MPDZ: variants seen among roughly 807,000 people sequenced by gnomAD.
MPDZ encodes multiple PDZ domain crumbs cell polarity complex component.
Under a neutral mutation model 239.1 loss-of-function variants are expected in MPDZ, and 234 were observed. That is an observed-to-expected ratio of 0.98 (90% CI 0.88 to 1.09). The LOEUF is 1.09. Ranked by LOEUF, MPDZ falls within the 50% of genes least tolerant of loss-of-function variation. The pLI is 0.00. For synonymous variants in MPDZ, 1,048 were observed against 881.3 expected, an observed-to-expected ratio of 1.19 and a Z score of -3.35; for missense variants, 3,175 against 2,510.0, an observed-to-expected ratio of 1.26 and a Z score of -5.66.
chr9:13,113,135 G>A (rs368217290), intron 41 of MPDZ, 81 bp from the exon 42 acceptor site: 22 of 1,264,076 alleles, frequency 1.7e-5, no homozygotes, highest in African/African-American at 1.2e-4. Context: ...AAAGCTGGAT[G>A]GGACTAAATG....
rs1284197854 is a variant in MPDZ at position 13,108,995 on chromosome 9, C to CA, written c.6006dup (p.Gly2003TrpfsTer15). The stretch of plus-strand genomic sequence containing the variant: ...TCTCCATGAGGGCTGCCATATCCTC[C>CA]AACTATACTGAAGCCTAAGCCATCT... On this transcript the variant is annotated frameshift_variant, in exon 46 of 47. Transcript: ENST00000319217. LOFTEE classifies it high-confidence loss of function. 1 of 1,604,152 alleles carries CA rather than the reference C, an allele frequency of 6.2e-7. No individual in the cohort carries two copies. Among genetic ancestry groups the CA allele is most frequent in the African/African-American group, 1.3e-5 (1 of 74,590 alleles).
intron 26 of MPDZ, among the ~76,000 whole-genome samples, chr9:13,146,220 T>C (rs1948415031): frequency 6.6e-6 from 1 of 152,182 alleles, no homozygotes; most frequent in Non-Finnish European, 1.5e-5. Context: ...ATTCACTCTT[T>C]ACAGTAAACC....
chr9:13,234,262 T>A (rs1235819492), intron 3 of MPDZ, among the ~76,000 whole-genome samples: 1 of 152,098 alleles, frequency 6.6e-6, no homozygotes, highest in Non-Finnish European at 1.5e-5. Flanking sequence ...CCCAATAGAA[T>A]ATTTTCAAAT....
chr9:13,233,143 G>A (rs1490770145), intron 3 of MPDZ, among the ~76,000 whole-genome samples: 1 of 152,060 alleles, frequency 6.6e-6, no homozygotes, highest in Admixed American at 6.6e-5. Context: ...CAGTTTGGCA[G>A]AATCCACGAA....
intron 34 of MPDZ, among the ~76,000 whole-genome samples, chr9:13,126,054 A>T (rs992764000): frequency 5.3e-5 from 8 of 152,188 alleles, no homozygotes; most frequent in African/African-American, 1.7e-4. Flanking sequence ...GCCTCAAATG[A>T]GATACCAAAT....
At chr9:13,144,828 A>C (rs1255776536) in intron 26 of MPDZ, among the ~76,000 whole-genome samples, 2 of 152,104 alleles carry the variant, frequency 1.3e-5, no homozygotes, top group Non-Finnish European at 2.9e-5. Context: ...CCTGCTTTAC[A>C]AAAGAGAAGA....
chr9:13,170,802 C>A (rs923975344), intron 21 of MPDZ, among the ~76,000 whole-genome samples: 1 of 152,172 alleles, frequency 6.6e-6, no homozygotes, highest in Non-Finnish European at 1.5e-5. Context: ...GTCACATCAA[C>A]CATGTAAACC....
rs1943293720 is a variant in MPDZ, at chr9:13,115,692, T to C, written c.5380-358A>G. The stretch of plus-strand genomic sequence containing the variant: ...GGTTTAAAAAACAAAGCGACTGTAA[T>C]CCCACCACTTTGGGAGGCCGAGGCG... On this transcript the variant is annotated intron_variant, in intron 39 of 46. Coordinates refer to ENST00000319217, the MANE Select transcript of MPDZ (RefSeq NM_001378778.1). Among the ~76,000 whole-genome samples, 2 of 152,026 alleles carry C rather than the reference T, an allele frequency of 1.3e-5. 1 individual carries two copies. The highest frequency in any genetic ancestry group is 4.8e-5 in the African/African-American group (2 of 41,414).
chr9:13,176,918 T>C (rs1399806607), intron 19 of MPDZ, among the ~76,000 whole-genome samples: 4 of 152,284 alleles, frequency 2.6e-5, no homozygotes, highest in Admixed American at 6.5e-5. Flanking sequence ...TAAGTATTTA[T>C]GGAGAAGAAT....
Position 13,136,814 on chromosome 9 carries a change from T to C in MPDZ, c.4201-11A>G. Reference sequence around the variant, plus strand: ...AATCTGACCATTGATCTGTGAGAAATAAATATCATTAGTTGGGCCTGAAAT... The same window carrying C: ...AATCTGACCATTGATCTGTGAGAAACAAATATCATTAGTTGGGCCTGAAAT... On this transcript the variant is annotated splice_polypyrimidine_tract_variant and intron_variant, in intron 29 of 46. Coordinates refer to ENST00000319217, the MANE Select transcript of MPDZ (RefSeq NM_001378778.1). 1 of 1,523,650 alleles carries C rather than the reference T, an allele frequency of 6.6e-7. No homozygotes were observed. Among genetic ancestry groups the C allele is most frequent in the Non-Finnish European group, 9.0e-7 (1 of 1,112,040 alleles). 94.4% of individuals were successfully genotyped at this position (1,523,650 alleles called of 1,614,324 possible).
chr9:13,188,533 A>G (rs1475639793), intron 17 of MPDZ, among the ~76,000 whole-genome samples: 2 of 152,122 alleles, frequency 1.3e-5, no homozygotes, highest in South Asian at 2.1e-4. Context: ...CAATCAATCA[A>G]TCAATGTCAA....
intron 22 of MPDZ, 26 bp downstream of exon 22, chr9:13,168,340 T>C: frequency 6.3e-7 from 1 of 1,597,318 alleles, no homozygotes; most frequent in Non-Finnish European, 8.6e-7. Context: ...TTTCCCAAGT[T>C]AAACTGGGCT....
chr9:13,267,750 G>A (rs1972085818), intron 1 of MPDZ, among the ~76,000 whole-genome samples: 1 of 152,170 alleles, frequency 6.6e-6, no homozygotes. Flanking sequence ...AAAGGGAGAA[G>A]GGATGGAAAG....
At chr9:13,191,063 A>G (rs1372158031) in intron 15 of MPDZ, among the ~76,000 whole-genome samples, 2 of 152,186 alleles carry the variant, frequency 1.3e-5, no homozygotes, top group African/African-American at 4.8e-5. Context: ...TCTAGTTTGT[A>G]GAATATCTTT....
At chr9:13,110,891 A>G (rs1942346623) in intron 43 of MPDZ, among the ~76,000 whole-genome samples, 151 bp from the exon 44 acceptor site, 1 of 152,230 alleles carries the variant, frequency 6.6e-6, no homozygotes, top group African/African-American at 2.4e-5. Context: ...CACTAATTCC[A>G]AGAAGTCCAA....
chr9:13,140,555 T>C (rs960960406), intron 27 of MPDZ, among the ~76,000 whole-genome samples: 2 of 150,998 alleles, frequency 1.3e-5, no homozygotes, highest in African/African-American at 4.8e-5. Flanking sequence ...CAGGTAAAGT[T>C]TAAATATATC....
chr9:13,148,216 T>C (rs1452702836), intron 25 of MPDZ, among the ~76,000 whole-genome samples: 2 of 152,086 alleles, frequency 1.3e-5, no homozygotes, highest in Non-Finnish European at 2.9e-5. Flanking sequence ...GCTAAGAAAT[T>C]GTGTTTATTT....
intron 12 of MPDZ, among the ~76,000 whole-genome samples, chr9:13,197,376 A>G (rs930411110): frequency 1.3e-5 from 2 of 152,010 alleles, no homozygotes; most frequent in African/African-American, 2.4e-5. Flanking sequence ...TGGTCTCAGT[A>G]ACACTCCCGA....
Position 13,172,389 on chromosome 9 carries a change from T to TTC in MPDZ, c.3055+3362_3055+3363insGA, listed in dbSNP as rs1442980636. On this transcript the variant is annotated intron_variant, in intron 21 of 46. Coordinates refer to ENST00000319217, the MANE Select transcript of MPDZ (RefSeq NM_001378778.1). ...TTAAATGTCTTACTTTGTTTTTTGT[T>TTC]TTTTTTTTTTGAGACGAAGTTTTGC... is the stretch of plus-strand genomic sequence containing the variant. Among the ~76,000 whole-genome samples, 574 of 150,462 alleles carry TTC rather than the reference T, an allele frequency of 3.8e-3. 4 individuals are homozygous for TTC. Among genetic ancestry groups the TTC allele is most frequent in the African/African-American group, 0.013 (532 of 41,190 alleles).
Sources: gnomAD v4.1 joint callset for allele counts (sites outside exome capture counted in the v4.1 genomes callset) on GRCh38, gnomAD v4.1.1 for gene constraint, MANE v1.5 for transcripts, NCBI Gene and HGNC (gene_info 2026-07-23, HGNC 2026-07-21) for gene names.